AOPEP: variants seen among roughly 807,000 people sequenced by gnomAD.
The protein encoded by AOPEP is aminopeptidase O (putative).
A neutral mutation model predicts 98.1 loss-of-function variants in AOPEP; 77 were observed. The ratio of observed to expected loss-of-function variants is 0.78; its 90% CI spans 0.65 to 0.95. AOPEP has a LOEUF of 0.95. Among genes scored for constraint, AOPEP ranks in the 40% least tolerant of loss-of-function variants. The probability of loss-of-function intolerance (pLI) is 0.00; values close to 1 mark genes in which losing one functional copy is unlikely to be tolerated. For synonymous variants in AOPEP, 346 were observed against 365.3 expected (o/e 0.95, Z 0.60); for missense variants, 1,024 against 1,024.7 (o/e 1.00, Z 0.01).
At chr9:95,140,051 CAG>C in the AOPEP span, among the ~76,000 whole-genome samples, 1 of 151,838 alleles carries the variant, frequency 6.6e-6, no homozygotes, top group African/African-American at 2.4e-5. Context: ...TTCAAGAAAA[CAG>C]AGTAAGATAA....
intron 11 of AOPEP, among the ~76,000 whole-genome samples, chr9:94,989,856 G>A (rs1378839230): frequency 4.1e-5 from 6 of 145,254 alleles, no homozygotes; most frequent in South Asian, 2.2e-4. Context: ...TGATCCGCCC[G>A]CCTCGGCCTC....
intron 11 of AOPEP, among the ~76,000 whole-genome samples, chr9:94,982,913 A>G (rs946849274): frequency 2.0e-5 from 3 of 152,198 alleles, no homozygotes; most frequent in Non-Finnish European, 4.4e-5. Flanking sequence ...AAACATTTAT[A>G]TGCAAATACA....
intron 5 of AOPEP, among the ~76,000 whole-genome samples, chr9:94,841,169 ATTTTT>A (rs67614379): frequency 7.5e-6 from 1 of 133,840 alleles, no homozygotes. Flanking sequence ...GCTCCACACA[ATTTTT>A]TTTTTTTTTT....
chr9:95,097,109 C>T, the AOPEP span, among the ~76,000 whole-genome samples: 5 of 152,220 alleles, frequency 3.3e-5, no homozygotes, highest in African/African-American at 1.2e-4. Flanking sequence ...GTCCAAAGTG[C>T]TCATGGTGCT....
chr9:95,148,075 C>A, the AOPEP span, among the ~76,000 whole-genome samples: 141 of 152,274 alleles, frequency 9.3e-4, 2 homozygotes, highest in Non-Finnish European at 1.9e-4. Flanking sequence ...GGAATCAGAG[C>A]CGAGACAGCC....
chr9:94,887,423 G>T (rs1229221860), intron 5 of AOPEP, among the ~76,000 whole-genome samples: 1 of 151,940 alleles, frequency 6.6e-6, no homozygotes, highest in African/African-American at 2.4e-5. Flanking sequence ...TGGTATAATG[G>T]CATAAGCATT....
chr9:94,936,922 G>A (rs1224723621), intron 7 of AOPEP, among the ~76,000 whole-genome samples: 18 of 152,194 alleles, frequency 1.2e-4, no homozygotes, highest in Non-Finnish European at 2.4e-4. Context: ...AGATGCATAG[G>A]GTGAGGTATG....
At chr9:95,144,111 A>G in the AOPEP span, among the ~76,000 whole-genome samples, 1 of 143,656 alleles carries the variant, frequency 7.0e-6, no homozygotes, top group Non-Finnish European at 1.5e-5. Flanking sequence ...TGGTTTCCAA[A>G]TGACCACGCA....
intron 11 of AOPEP, among the ~76,000 whole-genome samples, chr9:94,996,398 G>A (rs71498688): frequency 1.3e-5 from 2 of 151,174 alleles, no homozygotes; most frequent in Non-Finnish European, 2.9e-5. Flanking sequence ...GTGTGAGAGA[G>A]AGATTTTACT....
chr9:94,852,409 G>C (rs574463034), intron 5 of AOPEP, among the ~76,000 whole-genome samples: 1 of 152,302 alleles, frequency 6.6e-6, no homozygotes, highest in Admixed American at 6.5e-5. Context: ...GTTGAGGAGA[G>C]GTTTGCATAG....
At chr9:95,069,553 G>A (rs370045094) in intron 14 of AOPEP, among the ~76,000 whole-genome samples, 19 of 152,190 alleles carry the variant, frequency 1.2e-4, no homozygotes, top group East Asian at 7.7e-4. Context: ...ACTTTTTGGA[G>A]CCTTTAATAG....
chr9:94,979,432 C>T lies in AOPEP; in HGVS notation c.1977+5C>T. Reference sequence around the variant, plus strand: ...GAGAGTTCCGGAATACCAAAGGTAACTCAAGATAACCACTTTGGTAGAATC... The same window carrying T: ...GAGAGTTCCGGAATACCAAAGGTAATTCAAGATAACCACTTTGGTAGAATC... On this transcript the variant is annotated splice_donor_5th_base_variant and intron_variant, in intron 11 of 16. Transcript: ENST00000375315. The T allele has an allele frequency of 6.3e-7, 1 of 1,582,988 alleles. No homozygotes were observed. The highest frequency in any genetic ancestry group is 8.6e-7 in the Non-Finnish European group (1 of 1,156,734).
At chr9:94,859,999 T>C (rs559150265) in intron 5 of AOPEP, among the ~76,000 whole-genome samples, 5 of 152,342 alleles carry the variant, frequency 3.3e-5, no homozygotes, top group Admixed American at 2.6e-4. Flanking sequence ...GGGAGATAGA[T>C]AGTTATTAAA....
chr9:94,948,563 G>T (rs2057861681), intron 7 of AOPEP, among the ~76,000 whole-genome samples: 1 of 151,678 alleles, frequency 6.6e-6, no homozygotes, highest in Non-Finnish European at 1.5e-5. Context: ...CTTTCTCATT[G>T]TCTGTGTGAA....
chr9:94,823,555 T>C (rs1323942203), intron 5 of AOPEP, among the ~76,000 whole-genome samples: 1 of 152,168 alleles, frequency 6.6e-6, no homozygotes, highest in Non-Finnish European at 1.5e-5. Flanking sequence ...TGAAGTCTCT[T>C]AACTGGCAAG....
At chr9:95,059,765 A>G (rs2067162750) in intron 13 of AOPEP, among the ~76,000 whole-genome samples, 1 of 152,194 alleles carries the variant, frequency 6.6e-6, no homozygotes, top group African/African-American at 2.4e-5. Context: ...GATGGAGAGA[A>G]GCTCAGCAGA....
the AOPEP span, among the ~76,000 whole-genome samples, chr9:95,113,263 T>G: frequency 1.3e-5 from 2 of 152,194 alleles, no homozygotes; most frequent in Non-Finnish European, 2.9e-5. Context: ...GAGCTGGACA[T>G]AGGTGTGTCA....
At position 95,064,648 on chromosome 9, in the gene AOPEP, C is replaced by G. The variant is rs117586295; in HGVS notation, c.2232+3838C>G. On this transcript the variant is annotated intron_variant, in intron 14 of 16. Transcript: ENST00000375315. Reference sequence around the variant, plus strand: ...ATTGGTCAGGGGGCGGGTCCACAAGCTGGTATTTATCTTAATATGCTGTTA... The same window carrying G: ...ATTGGTCAGGGGGCGGGTCCACAAGGTGGTATTTATCTTAATATGCTGTTA... Among the ~76,000 whole-genome samples, 568 of 152,294 alleles carry G rather than the reference C, an allele frequency of 3.7e-3. 17 individuals carry two copies. The East Asian group carries it at 0.051, about 14-fold the overall frequency.
intron 11 of AOPEP, among the ~76,000 whole-genome samples, chr9:94,993,404 C>CA (rs59981127): frequency 0.067 from 10,119 of 152,154 alleles, 821 homozygotes; most frequent in African/African-American, 0.19. Context: ...CTTTTTATCT[C>CA]AATCATTCAA....
Sources: gnomAD v4.1 joint callset for allele counts (sites outside exome capture counted in the v4.1 genomes callset) on GRCh38, gnomAD v4.1.1 for gene constraint, MANE v1.5 for transcripts, NCBI Gene and HGNC (gene_info 2026-07-23, HGNC 2026-07-21) for gene names.